SGF29: variants seen among roughly 807,000 people sequenced by gnomAD.
The protein encoded by SGF29 is SAGA-associated factor 29.
SGF29 carries 15 observed loss-of-function variants against 38.1 expected under a neutral mutation model. The ratio of observed to expected loss-of-function variants is 0.39; its 90% CI spans 0.26 to 0.61. SGF29 has a LOEUF of 0.61. Among genes scored for constraint, SGF29 ranks in the 20% least tolerant of loss-of-function variants. The probability of loss-of-function intolerance (pLI) is 0.49; values close to 1 mark genes in which losing one functional copy is unlikely to be tolerated. For missense variants in SGF29, 184 were observed against 394.6 expected (o/e 0.47, Z 4.52); for synonymous variants, 151 against 160.8 (o/e 0.94, Z 0.46).
chr16:28,555,188 G>A (rs1440271476), intron 1 of SGF29, among the ~76,000 whole-genome samples: 1 of 152,118 alleles, frequency 6.6e-6, no homozygotes, highest in African/African-American at 2.4e-5. Flanking sequence ...TACTGGCCAG[G>A]CGCGGTGGCT....
chr16:28,570,809 C>T (rs2046860656), intron 1 of SGF29, among the ~76,000 whole-genome samples: 1 of 151,946 alleles, frequency 6.6e-6, no homozygotes, highest in South Asian at 2.1e-4. Context: ...AACTCCTGAC[C>T]TCAAGTGATT....
intron 1 of SGF29, among the ~76,000 whole-genome samples, chr16:28,561,926 A>G (rs545534893): frequency 2.0e-5 from 3 of 152,300 alleles, no homozygotes; most frequent in African/African-American, 7.2e-5. Context: ...CTTTGCTTCT[A>G]CTTAGAACAT....
chr16:28,576,901 T>A (rs1005312706), intron 1 of SGF29, among the ~76,000 whole-genome samples: 9 of 152,174 alleles, frequency 5.9e-5, no homozygotes, highest in Admixed American at 1.3e-4. Context: ...ACGCCTGTAA[T>A]CCCAGCACTT....
chr16:28,555,428 A>T (rs2151639589), intron 1 of SGF29, among the ~76,000 whole-genome samples: 1 of 152,362 alleles, frequency 6.6e-6, no homozygotes, highest in Non-Finnish European at 1.5e-5. Context: ...GTGAGCCAAG[A>T]TCGTGCCACT....
intron 1 of SGF29, among the ~76,000 whole-genome samples, chr16:28,564,536 T>C (rs1355490305): frequency 5.3e-5 from 6 of 112,664 alleles, no homozygotes; most frequent in East Asian, 5.1e-4. Context: ...TGTATATATA[T>C]ATGTATATAT....
chr16:28,567,860 A>G (rs994522167), intron 1 of SGF29, among the ~76,000 whole-genome samples: 1 of 152,192 alleles, frequency 6.6e-6, no homozygotes, highest in Non-Finnish European at 1.5e-5. Flanking sequence ...ACCTAAAGGA[A>G]CAAGCCTAGG....
At chr16:28,564,654 CGTATATATATGCATATATATGTAT>C (rs2046817645) in intron 1 of SGF29, among the ~76,000 whole-genome samples, 1 of 57,738 alleles carries the variant, frequency 1.7e-5, no homozygotes, top group Non-Finnish European at 3.9e-5. Context: ...TGTATATATA[CGTATATATATGCATATATATGTAT>C]ATATATGTGT....
chr16:28,578,698 A>C (rs2046908867), intron 1 of SGF29, among the ~76,000 whole-genome samples: 1 of 151,614 alleles, frequency 6.6e-6, no homozygotes, highest in Admixed American at 6.6e-5. Context: ...AAAAAAAAAA[A>C]AAAAGAGGGC....
At chr16:28,586,208 T>TA (rs1240831435) in intron 4 of SGF29, among the ~76,000 whole-genome samples, 3 of 152,172 alleles carry the variant, frequency 2.0e-5, no homozygotes, top group Non-Finnish European at 4.4e-5. Context: ...CTGAAGGTTT[T>TA]ATGGTTCTGA....
At chr16:28,555,407 T>A (rs1471318356) in intron 1 of SGF29, among the ~76,000 whole-genome samples, 1 of 151,038 alleles carries the variant, frequency 6.6e-6, no homozygotes, top group African/African-American at 2.4e-5. Flanking sequence ...ACCCAGGAGG[T>A]GGATGCTGCA....
At chr16:28,579,185 G>A (rs1480586351) in intron 1 of SGF29, among the ~76,000 whole-genome samples, 1 of 150,756 alleles carries the variant, frequency 6.6e-6, no homozygotes, top group Non-Finnish European at 1.5e-5. Flanking sequence ...TGAGGCATAT[G>A]TCTATTTTCA....
intron 4 of SGF29, chr16:28,588,509 C>G (rs141530851): frequency 1.5e-4 from 55 of 368,688 alleles, no homozygotes; most frequent in African/African-American, 9.4e-4. Flanking sequence ...ATGCTGCTTT[C>G]TACCACCTTG....
At chr16:28,581,403 T>G (rs1316223522) in intron 2 of SGF29, among the ~76,000 whole-genome samples, 1 of 152,196 alleles carries the variant, frequency 6.6e-6, no homozygotes, top group Non-Finnish European at 1.5e-5. Context: ...CCATTTAAAG[T>G]GTATAATCCA....
At chr16:28,581,497 A>G (rs946207588) in intron 2 of SGF29, among the ~76,000 whole-genome samples, 3 of 152,032 alleles carry the variant, frequency 2.0e-5, no homozygotes, top group Admixed American at 1.3e-4. Flanking sequence ...AAAATGCCCC[A>G]TATCTTTTCC....
At chr16:28,565,048 G>A (rs554206) in intron 1 of SGF29, among the ~76,000 whole-genome samples, 16,887 of 151,896 alleles carry the variant, frequency 0.11, 1,016 homozygotes, top group Middle Eastern at 0.18. Context: ...AGAACCTGGA[G>A]TCTGATGTCC....
At chr16:28,555,865 G>A (rs901945225) in intron 1 of SGF29, among the ~76,000 whole-genome samples, 1 of 152,162 alleles carries the variant, frequency 6.6e-6, no homozygotes. Context: ...TTCCACTTTT[G>A]TGATCTCTTT....
rs1210718771 is a variant in SGF29 at position 28,564,501 on chromosome 16, C to CTGTGTGTGTATATATATA, written c.-16+10426_-16+10443dup. On this transcript the variant is annotated intron_variant, in intron 1 of 9. Coordinates refer to ENST00000317058, the MANE Select transcript of SGF29 (RefSeq NM_138414.3). ...TAGCGTTCTCCAGAGGGACAGAACT[C>CTGTGTGTGTATATATATA]TGTGTGTGTATATATATATGTGTGT... is the stretch of plus-strand genomic sequence containing the variant. Among the ~76,000 whole-genome samples, 22 of 136,100 alleles carry CTGTGTGTGTATATATATA rather than the reference C, an allele frequency of 1.6e-4. 1 individual carries two copies. The highest frequency in any genetic ancestry group is 6.8e-4 in the South Asian group (3 of 4,438). The allele number at this position is 136,100 out of a possible 152,430, so 89.3% of individuals were successfully genotyped here.
intron 1 of SGF29, among the ~76,000 whole-genome samples, chr16:28,560,653 T>C (rs916392721): frequency 6.7e-6 from 1 of 149,854 alleles, no homozygotes; most frequent in African/African-American, 2.4e-5. Flanking sequence ...AAATATGATC[T>C]GTGTTTACAA....
At chr16:28,588,482 TTC>T in intron 4 of SGF29, 1 of 343,744 alleles carries the variant, frequency 2.9e-6, no homozygotes, top group South Asian at 2.2e-5. Context: ...GGATCCTGTG[TTC>T]TCTTAGTTTT....
Sources: allele counts gnomAD v4.1 joint callset (sites outside exome capture counted in the v4.1 genomes callset), GRCh38; gene constraint gnomAD v4.1.1; transcripts MANE v1.5; gene names NCBI Gene and HGNC (gene_info 2026-07-23, HGNC 2026-07-21).